Variants in ITGA9 observed in about 807,000 individuals in gnomAD.
The protein encoded by ITGA9 is integrin alpha-9.
A neutral mutation model predicts 127.8 loss-of-function variants in ITGA9; 56 were observed. The ratio of observed to expected loss-of-function variants is 0.44; its 90% CI spans 0.35 to 0.55. The LOEUF is 0.55. Ranked by LOEUF, ITGA9 falls within the 20% of genes least tolerant of loss-of-function variation. The pLI, the probability that ITGA9 is intolerant of heterozygous loss-of-function variation, is 0.00. For synonymous variants in ITGA9, 508 were observed against 514.5 expected (o/e 0.99, Z 0.17); for missense variants, 1,196 against 1,347.1 (o/e 0.89, Z 1.76).
intron 19 of ITGA9, among the ~76,000 whole-genome samples, chr3:37,736,277 C>T (rs1168879604): frequency 2.6e-5 from 4 of 152,148 alleles, no homozygotes; most frequent in African/African-American, 9.7e-5. Context: ...TTTCAATAGT[C>T]TTCCAATCCT....
At chr3:37,470,049 G>A (rs1011660901) in intron 1 of ITGA9, among the ~76,000 whole-genome samples, 2 of 151,854 alleles carry the variant, frequency 1.3e-5, no homozygotes, top group African/African-American at 4.8e-5. Context: ...TGCCCACCTC[G>A]GCCTCCCAGT....
intron 3 of ITGA9, 106 bp downstream of exon 3, chr3:37,473,566 G>A (rs1349893413): frequency 2.8e-6 from 2 of 720,510 alleles, no homozygotes; most frequent in Non-Finnish European, 4.8e-6. Context: ...CTTTGAGGTT[G>A]CTTATTCTGG....
At chr3:37,480,652 T>A (rs562044342) in intron 3 of ITGA9, among the ~76,000 whole-genome samples, 1 of 152,348 alleles carries the variant, frequency 6.6e-6, no homozygotes, top group Admixed American at 6.5e-5. Context: ...ACACATTTAC[T>A]TCTAGTTAAT....
intron 26 of ITGA9, among the ~76,000 whole-genome samples, chr3:37,797,434 T>C (rs949495795): frequency 1.8e-4 from 28 of 152,122 alleles, no homozygotes; most frequent in African/African-American, 6.5e-4. Flanking sequence ...TACACTGGGA[T>C]GCTATAGGAG....
At chr3:37,479,376 T>C (rs1326359639) in intron 3 of ITGA9, among the ~76,000 whole-genome samples, 1 of 152,246 alleles carries the variant, frequency 6.6e-6, no homozygotes, top group Admixed American at 6.5e-5. Context: ...TTTAATGTCA[T>C]ACGACAAGAG....
intron 23 of ITGA9, among the ~76,000 whole-genome samples, chr3:37,765,370 CT>C (rs35868228): frequency 6.6e-6 from 1 of 152,200 alleles, no homozygotes; most frequent in Non-Finnish European, 1.5e-5. Flanking sequence ...ACTCTACAAA[CT>C]TTGGTCAGGG....
intron 15 of ITGA9, among the ~76,000 whole-genome samples, chr3:37,596,324 A>G (rs556346846): frequency 6.6e-6 from 1 of 152,320 alleles, no homozygotes; most frequent in Admixed American, 6.5e-5. Flanking sequence ...TCGAAGGTAC[A>G]GAAGGATTGA....
chr3:37,672,402 C>T (rs1397252449), intron 17 of ITGA9, among the ~76,000 whole-genome samples: 1 of 152,152 alleles, frequency 6.6e-6, no homozygotes, highest in East Asian at 1.9e-4. Flanking sequence ...CTCTTGCCTG[C>T]CACCATGTAA....
Position 37,503,197 on chromosome 3 carries a change from C to T in ITGA9, c.632C>T (p.Ala211Val). The stretch of plus-strand genomic sequence containing the variant: ...TGGTAGGAGCTGGTGGTGATGGGTG[C>T]TCCAGGGTCATTTTATTGGGCTGGA... ...FFTEELVVMG[A>V]PGSFYWAGTI... Residue 211 changes from alanine to valine, a missense_variant, in exon 6 of 28, where the codon GCT becomes GTT. Ala to Val is a moderately conservative substitution (Grantham distance 64). Transcript: ENST00000264741. 6.2e-7 allele frequency: 1 copy of T among 1,613,988 alleles called. No individual in the cohort carries two copies. Among genetic ancestry groups the T allele is most frequent in the Non-Finnish European group, 8.5e-7 (1 of 1,179,924 alleles).
At chr3:37,502,213 CT>C (rs910743416) in intron 5 of ITGA9, among the ~76,000 whole-genome samples, 1,396 of 111,828 alleles carry the variant, frequency 0.012, 10 homozygotes, top group African/African-American at 0.039. Context: ...GTTCTTGAGT[CT>C]TTTTTTTTTT....
intron 8 of ITGA9, among the ~76,000 whole-genome samples, chr3:37,508,943 C>A (rs1184206234): frequency 6.6e-6 from 1 of 152,186 alleles, no homozygotes; most frequent in Non-Finnish European, 1.5e-5. Context: ...CTGCCTCCAT[C>A]CTTTCTCAAC....
At chr3:37,662,584 G>T (rs1305326405) in intron 17 of ITGA9, among the ~76,000 whole-genome samples, 2 of 152,158 alleles carry the variant, frequency 1.3e-5, no homozygotes, top group Non-Finnish European at 2.9e-5. Context: ...GGGTAGGTCT[G>T]TGGGGCAGCT....
At chr3:37,657,044 C>T (rs1700485425) in intron 17 of ITGA9, among the ~76,000 whole-genome samples, 1 of 152,028 alleles carries the variant, frequency 6.6e-6, no homozygotes, top group Non-Finnish European at 1.5e-5. Context: ...ATGAAGCCGA[C>T]TTGATTGTGG....
chr3:37,598,987 A>G (rs1699893126), intron 15 of ITGA9, among the ~76,000 whole-genome samples: 1 of 152,216 alleles, frequency 6.6e-6, no homozygotes, highest in South Asian at 2.1e-4. Flanking sequence ...GTCAAGAATT[A>G]TAATAAAGAA....
At chr3:37,708,607 G>A (rs139296540) in intron 18 of ITGA9, among the ~76,000 whole-genome samples, 14 of 260 alleles carry the variant, frequency 0.054, no homozygotes, top group South Asian at 0.17. Context: ...CTAGTTCAGC[G>A]CTATTAGCAT....
intron 18 of ITGA9, among the ~76,000 whole-genome samples, chr3:37,704,668 C>A (rs1337429745): frequency 6.6e-6 from 1 of 152,204 alleles, no homozygotes; most frequent in African/African-American, 2.4e-5. Flanking sequence ...TACAGAAATA[C>A]AACACCGGTG....
intron 16 of ITGA9, 114 bp from the exon 17 acceptor site, chr3:37,653,600 C>T (rs892489412): frequency 1.1e-5 from 9 of 833,070 alleles, no homozygotes; most frequent in Admixed American, 1.0e-4. Context: ...GGAGTAGAAG[C>T]CCTGAGGGGC....
intron 21 of ITGA9, among the ~76,000 whole-genome samples, chr3:37,742,061 A>G (rs1299069684): frequency 6.6e-6 from 1 of 152,164 alleles, no homozygotes; most frequent in Non-Finnish European, 1.5e-5. Flanking sequence ...TTTGATGACA[A>G]GTTTAAGCCC....
chr3:37,474,228 G>C (rs531844625), intron 3 of ITGA9, among the ~76,000 whole-genome samples: 32 of 152,314 alleles, frequency 2.1e-4, no homozygotes, highest in Admixed American at 7.2e-4. Flanking sequence ...GAGTTGTGCT[G>C]TGCAGTAAGG....
Sources: allele counts gnomAD v4.1 joint callset (sites outside exome capture counted in the v4.1 genomes callset), GRCh38; gene constraint gnomAD v4.1.1; transcripts MANE v1.5; gene names NCBI Gene and HGNC (gene_info 2026-07-23, HGNC 2026-07-21).